The following B9D1 variants were observed in gnomAD, a reference collection of about 807,000 sequenced individuals.
B9D1 encodes the protein B9 domain-containing protein 1.
In B9D1, 20 loss-of-function variants were observed where a neutral mutation model predicts 26.1. The observed-to-expected ratio is 0.77, with a 90% CI of 0.54 to 1.12. The LOEUF is 1.12. B9D1 is among the 50% of genes most tolerant of loss of function. The pLI is 0.00. For synonymous variants in B9D1, 105 were observed against 103.1 expected, an observed-to-expected ratio of 1.02 and a Z score of -0.11; for missense variants, 260 against 273.7, an observed-to-expected ratio of 0.95 and a Z score of 0.35.
downstream of B9D1, chr17:19,341,434 C>G: frequency 1.4e-6 from 1 of 738,200 alleles, no homozygotes; most frequent in Non-Finnish European, 1.9e-6. Flanking sequence ...TGAAGGAGCC[C>G]GTGTAGGAAA....
intron 3 of B9D1, among the ~76,000 whole-genome samples, chr17:19,352,184 C>G (rs1344676581): frequency 2.6e-5 from 4 of 152,126 alleles, no homozygotes; most frequent in Non-Finnish European, 4.4e-5. Flanking sequence ...CCCCACTTAG[C>G]CTGTTTTTTC....
downstream of B9D1, chr17:19,341,017 G>A (rs1907910693): frequency 1.5e-6 from 1 of 676,932 alleles, no homozygotes; most frequent in Non-Finnish European, 2.0e-6. Context: ...TACGGAACAG[G>A]AAATTGGTAA....
At chr17:19,342,975 T>C (rs1908148785), downstream of B9D1, 1 of 722,404 alleles carries the variant, frequency 1.4e-6, no homozygotes, top group Non-Finnish European at 1.9e-6. Flanking sequence ...GCCACACAGC[T>C]TTGAGTGGCA....
At chr17:19,348,792 C>T (rs1219905974) in intron 3 of B9D1, among the ~76,000 whole-genome samples, 1 of 152,142 alleles carries the variant, frequency 6.6e-6, no homozygotes, top group Non-Finnish European at 1.5e-5. Flanking sequence ...ATTTTTGTGC[C>T]CAGACTCTAA....
chr17:19,335,354 A>T (rs2152242891), downstream of B9D1: 1 of 1,529,896 alleles, frequency 6.5e-7, no homozygotes. Context: ...AATCTAATGT[A>T]TGAATGTGAC....
chr17:19,360,874 G>C (rs1047662845), intron 1 of B9D1, among the ~76,000 whole-genome samples: 5 of 152,184 alleles, frequency 3.3e-5, no homozygotes, highest in African/African-American at 1.2e-4. Context: ...TCTAAGGCAG[G>C]GGTCCTCAAC....
upstream of B9D1, chr17:19,362,788 G>C (rs1911317208): frequency 7.2e-7 from 1 of 1,391,698 alleles, no homozygotes; most frequent in African/African-American, 1.4e-5. Context: ...TCCACGCCGA[G>C]GCTCCACCCC....
At chr17:19,345,149 G>A (rs911540405) in intron 5 of B9D1, among the ~76,000 whole-genome samples, 2 of 152,162 alleles carry the variant, frequency 1.3e-5, no homozygotes, top group African/African-American at 4.8e-5. Flanking sequence ...TGTTCTGGGA[G>A]AGCATTCCAG....
In B9D1 at chr17:19,347,431, T is replaced by A; in HGVS notation, c.342-100A>T. The A allele has an allele frequency of 7.1e-7, 1 of 1,418,420 alleles. No homozygotes were observed. The highest frequency in any genetic ancestry group is 9.9e-7 in the Non-Finnish European group (1 of 1,010,954). 87.9% of individuals were successfully genotyped at this position (1,418,420 alleles called of 1,614,324 possible). The stretch of plus-strand genomic sequence containing the variant: ...AGATCAGGCCAGTGCAGCTGCAGCG[T>A]GGGCCAAGTCAGGGCCAATGTCAAC... On this transcript the variant is annotated intron_variant, in intron 4 of 6. Coordinates refer to ENST00000261499, the MANE Select transcript of B9D1 (RefSeq NM_015681.6). This position sits in a 1 kb window ranked among gnomAD's most constrained non-coding sequence, Gnocchi z 4.3.
At chr17:19,335,523 GA>G (rs1907371969), downstream of B9D1, 1 of 1,515,170 alleles carries the variant, frequency 6.6e-7, no homozygotes, top group African/African-American at 1.4e-5. Context: ...TAAAGATGGG[GA>G]TAATGTGGAA....
At chr17:19,342,371 C>T (rs925009473), downstream of B9D1, among the ~76,000 whole-genome samples, 9 of 152,054 alleles carry the variant, frequency 5.9e-5, no homozygotes, top group East Asian at 5.8e-4. Context: ...AGTGCCATGA[C>T]GACAGTCCAG....
intron 3 of B9D1, among the ~76,000 whole-genome samples, chr17:19,353,598 G>A (rs891447253): frequency 1.3e-4 from 20 of 151,732 alleles, no homozygotes; most frequent in African/African-American, 4.8e-4. Context: ...AAGACCGCCC[G>A]CCATTGCACT....
At chr17:19,366,716 C>T (rs1406019969), upstream of B9D1, among the ~76,000 whole-genome samples, 2 of 152,214 alleles carry the variant, frequency 1.3e-5, no homozygotes, top group East Asian at 1.9e-4. Context: ...GGCTCTTCAG[C>T]GGAGGGGCCA....
rs953979063 is a variant in B9D1, at chr17:19,370,021, C to T, written c.-298+7838G>A. The stretch of plus-strand genomic sequence containing the variant: ...GAGAGAGGAAACTGGGCAGGGAGCA[C>T]ACCACTGATGGGTGAAATGATGATC... On this transcript the variant is annotated intron_variant, in intron 1 of 5. Transcript: ENST00000477478. This position sits in a 1 kb window ranked among gnomAD's most constrained non-coding sequence, Gnocchi z 5.1. Among the ~76,000 whole-genome samples the T allele has an allele frequency of 1.3e-5, 2 of 152,160 alleles. No individual in the cohort carries two copies. The highest frequency in any genetic ancestry group is 2.4e-5 in the African/African-American group (1 of 41,434).
intron 5 of B9D1, among the ~76,000 whole-genome samples, chr17:19,344,348 C>T (rs1908425203): frequency 6.6e-6 from 1 of 152,226 alleles, no homozygotes; most frequent in Admixed American, 6.5e-5. Context: ...TTACCTCCCA[C>T]TAGTGTGGGG....
Position 19,343,284 on chromosome 17 carries a change from C to T in B9D1, c.*35G>A. On this transcript the variant is annotated 3_prime_UTR_variant, in exon 7 of 7. Coordinates refer to ENST00000261499, the MANE Select transcript of B9D1 (RefSeq NM_015681.6). The stretch of plus-strand genomic sequence containing the variant: ...AGCGGCTGACTTCGGGAAGGCAGCC[C>T]TTCATTATCAGAGACTGTGCAGCCT... 9.9e-6 allele frequency: 16 copies of T among 1,613,682 alleles called. No individual in the cohort carries two copies. The highest frequency in any genetic ancestry group is 1.4e-5 in the Non-Finnish European group (16 of 1,179,926).
intron 3 of B9D1, among the ~76,000 whole-genome samples, chr17:19,348,432 T>C (rs1909151934): frequency 6.6e-6 from 1 of 152,226 alleles, no homozygotes; most frequent in East Asian, 1.9e-4. Flanking sequence ...CACTTTCACC[T>C]CGCCAGTTTC....
chr17:19,347,910 C>A lies in B9D1; in HGVS notation c.245-30G>T. The A allele has an allele frequency of 6.3e-7, 1 of 1,589,006 alleles. No individual in the cohort carries two copies. The highest frequency in any genetic ancestry group is 8.6e-7 in the Non-Finnish European group (1 of 1,157,952). On this transcript the variant is annotated intron_variant, in intron 3 of 6. Transcript: ENST00000261499. The surrounding 1 kb of genome is among the most constrained non-coding windows in gnomAD (Gnocchi z 4.3). ...GGAAGGACAAGGCAGGGGGTGGGCA[C>A]ATGAGGACACACAGGGGAGGTGCAG...
chr17:19,344,009 C>T, intron 5 of B9D1, 152 bp from the exon 6 acceptor site: 1 of 1,253,864 alleles, frequency 8.0e-7, no homozygotes, highest in Non-Finnish European at 1.1e-6. Flanking sequence ...CTAAGCAGAG[C>T]CTTCCCAGTG....
Sources: gnomAD v4.1 joint callset for allele counts (sites outside exome capture counted in the v4.1 genomes callset) on GRCh38, gnomAD v4.1.1 for gene constraint, Gnocchi (gnomAD v3.1) non-coding constraint, MANE v1.5 for transcripts, NCBI Gene and HGNC (gene_info 2026-07-23, HGNC 2026-07-21) for gene names.